STK25: variants seen among roughly 807,000 people sequenced by gnomAD.
STK25 encodes serine/threonine kinase 25.
STK25 carries 29 observed loss-of-function variants against 53.8 expected under a neutral mutation model. The ratio of observed to expected loss-of-function variants is 0.54; its 90% CI spans 0.40 to 0.74. The LOEUF (loss-of-function observed/expected upper bound fraction) is 0.74, where lower values mean the gene tolerates loss of function less well. STK25 is among the 30% of genes least tolerant of loss of function. The probability of loss-of-function intolerance (pLI) is 0.00; values close to 1 mark genes in which losing one functional copy is unlikely to be tolerated. For synonymous variants in STK25, 247 were observed against 238.3 expected, an observed-to-expected ratio of 1.04 and a Z score of -0.33; for missense variants, 420 against 568.0, an observed-to-expected ratio of 0.74 and a Z score of 2.65.
Position 241,496,957 on chromosome 2 carries a change from C to T in STK25, c.1105-423G>A, listed in dbSNP as rs971432459. 1.3e-5 allele frequency among the ~76,000 whole-genome samples: 2 copies of T among 152,240 alleles called. No individual in the cohort carries two copies. The highest frequency in any genetic ancestry group is 2.1e-4 in the South Asian group (1 of 4,836). Reference sequence around the variant, plus strand: ...CACCAGCATCTGAGCCTCCTGTCACCGGGTGTCACCCACCCTCGGGGGGCT... The same window carrying T: ...CACCAGCATCTGAGCCTCCTGTCACTGGGTGTCACCCACCCTCGGGGGGCT... On this transcript the variant is annotated intron_variant, in intron 10 of 11. Transcript: ENST00000316586. The surrounding 1 kb of genome is among the most constrained non-coding windows in gnomAD (Gnocchi z 5.8).
At chr2:241,507,028 C>G (rs1372746913) in intron 2 of STK25, among the ~76,000 whole-genome samples, 2 of 152,188 alleles carry the variant, frequency 1.3e-5, no homozygotes, top group Non-Finnish European at 2.9e-5. Context: ...TGCCCCTACG[C>G]GAACAGACGC....
chr2:241,493,549 G>T lies in STK25; in HGVS notation c.*2113C>A. On this transcript the variant is annotated 3_prime_UTR_variant, in exon 12 of 12. Transcript: ENST00000316586. ...GGCAAGTTTTCTGGGCCCTGGAAAG[G>T]AAGGGCTGAGCAATGCTTCCAGCAT... 1 of 1,051,230 alleles carries T rather than the reference G, an allele frequency of 9.5e-7. No homozygotes were observed. Among genetic ancestry groups the T allele is most frequent in the Non-Finnish European group, 1.4e-6 (1 of 692,366 alleles). 65.1% of individuals were successfully genotyped at this position (1,051,230 alleles called of 1,614,324 possible). A position where few individuals can be genotyped will look rare whatever the true frequency, so the allele number is the denominator to read the frequency against.
rs751331432 is a variant in STK25 at position 241,501,319 on chromosome 2, C to T, written c.261+159G>A. 4.6e-5 allele frequency: 33 copies of T among 723,808 alleles called. No homozygotes were observed. In the Admixed American group the frequency reaches 4.6e-4, roughly 10 times the overall value. 44.8% of individuals were successfully genotyped at this position (723,808 alleles called of 1,614,324 possible). ...TTTAGAGCCAACTGACCCTCGTGGA[C>T]GAGGGCTCACACCCTGCCTGCCCAG... On this transcript the variant is annotated intron_variant, in intron 3 of 11. Transcript: ENST00000316586. This position sits in a 1 kb window ranked among gnomAD's most constrained non-coding sequence, Gnocchi z 5.3.
Position 241,494,125 on chromosome 2 carries a change from A to T in STK25, c.*1537T>A, listed in dbSNP as rs1470983149. 6.8e-7 allele frequency: 1 copy of T among 1,468,346 alleles called. No homozygotes were observed. Among genetic ancestry groups the T allele is most frequent in the South Asian group, 1.5e-5 (1 of 66,242 alleles). 91.0% of individuals were successfully genotyped at this position (1,468,346 alleles called of 1,614,324 possible). A position where few individuals can be genotyped will look rare whatever the true frequency, so the allele number is the denominator to read the frequency against. Reference sequence around the variant, plus strand: ...GGATGGTCAGGGGGAAGGAGGAATGACGCTCAACCTGCCCAGGTTTGGACA... The same window carrying T: ...GGATGGTCAGGGGGAAGGAGGAATGTCGCTCAACCTGCCCAGGTTTGGACA... On this transcript the variant is annotated 3_prime_UTR_variant, in exon 12 of 12. Transcript: ENST00000316586. The surrounding 1 kb of genome is among the most constrained non-coding windows in gnomAD (Gnocchi z 4.9).
chr2:241,500,180 GTC>G lies in STK25; in HGVS notation c.418_419del (p.Asp140HisfsTer13). The G allele has an allele frequency of 6.2e-7, 1 of 1,613,738 alleles. No individual in the cohort carries two copies. Among genetic ancestry groups the G allele is most frequent in the Non-Finnish European group, 8.5e-7 (1 of 1,179,728 alleles). On this transcript the variant is annotated frameshift_variant, in exon 5 of 12. Transcript: ENST00000316586. LOFTEE classifies it high-confidence loss of function. ...ATCCACCCCCAGCAGGACCTTTGAT[GTC>G]TCGGTGGATCTTGCGTTCGGAGTGC... ...YLHSERKIHRDIKAANVLLSE... is the reference protein window; with the variant it reads ...YLHSERKIHRXIKAANVLLSE...
chr2:241,500,345 T>C (rs2065432885), intron 4 of STK25, 64 bp from the exon 5 acceptor site: 2 of 1,179,252 alleles, frequency 1.7e-6, no homozygotes, highest in Non-Finnish European at 2.5e-6. Context: ...CTGAGTTCTC[T>C]GCCTCTCTCA....
In STK25 at chr2:241,494,051, GCCCCAAGCATCGTGCAGGATGGC is replaced by G; in HGVS notation, c.*1588_*1610del. On this transcript the variant is annotated 3_prime_UTR_variant, in exon 12 of 12. Transcript: ENST00000316586. The surrounding 1 kb of genome is among the most constrained non-coding windows in gnomAD (Gnocchi z 4.9). Reference sequence around the variant, plus strand: ...GGGGGCCAGCAGCTCAGCCGGGAGGGCCCCAAGCATCGTGCAGGATGGCCCCCAACCCTCCTCAGGGCTGGAGG... The same window carrying G: ...GGGGGCCAGCAGCTCAGCCGGGAGGGCCCCAACCCTCCTCAGGGCTGGAGG... 1 of 1,423,730 alleles carries G rather than the reference GCCCCAAGCATCGTGCAGGATGGC, an allele frequency of 7.0e-7. No homozygotes were observed. The highest frequency in any genetic ancestry group is 9.2e-7 in the Non-Finnish European group (1 of 1,088,500). The allele number at this position is 1,423,730 out of a possible 1,614,324, so 88.2% of individuals were successfully genotyped here. A position where few individuals can be genotyped will look rare whatever the true frequency, so the allele number is the denominator to read the frequency against.
In STK25 at chr2:241,494,013, T is replaced by C. The variant is rs144832701; in HGVS notation, c.*1649A>G. 9 of 1,391,910 alleles carry C rather than the reference T, an allele frequency of 6.5e-6. No individual in the cohort carries two copies. In the African/African-American group the frequency reaches 1.3e-4, roughly 21 times the overall value. 86.2% of individuals were successfully genotyped at this position (1,391,910 alleles called of 1,614,324 possible). On this transcript the variant is annotated 3_prime_UTR_variant, in exon 12 of 12. Transcript: ENST00000316586. The surrounding 1 kb of genome is among the most constrained non-coding windows in gnomAD (Gnocchi z 4.9). ...ATGGCCGCCCTCTCCTCCAGGTGGATGGAGGTGATCCAGGGGGCCAGCAGC... is the reference window on the plus strand; with the variant it reads ...ATGGCCGCCCTCTCCTCCAGGTGGACGGAGGTGATCCAGGGGGCCAGCAGC...
rs1466206290 is a variant in STK25, at chr2:241,499,254, C to G, written c.585+3G>C. The stretch of plus-strand genomic sequence containing the variant: ...CCCGCACCTGCCCGCCCGCTGCACC[C>G]ACCTTGAAGTCGTAGGCCGACTGCT... On this transcript the variant is annotated splice_donor_region_variant and intron_variant, in intron 6 of 11. Coordinates refer to ENST00000316586, the MANE Select transcript of STK25 (RefSeq NM_001271977.2). 3 of 1,613,762 alleles carry G rather than the reference C, an allele frequency of 1.9e-6. No homozygotes were observed. The highest frequency in any genetic ancestry group is 2.5e-6 in the Non-Finnish European group (3 of 1,179,888).
intron 10 of STK25, chr2:241,497,317 G>A (rs1300821057): frequency 1.4e-5 from 5 of 344,842 alleles, no homozygotes; most frequent in African/African-American, 6.3e-5. Context: ...GCACCTGCCC[G>A]GGGATGGACC....
intron 1 of STK25, 110 bp downstream of exon 1, chr2:241,508,333 T>G: frequency 4.3e-6 from 5 of 1,168,370 alleles, no homozygotes; most frequent in East Asian, 4.4e-5. Flanking sequence ...CCAAGGCAGC[T>G]TCCTCCCGGT....
chr2:241,502,361 G>A (rs1367188592), intron 2 of STK25, among the ~76,000 whole-genome samples: 1 of 152,186 alleles, frequency 6.6e-6, no homozygotes, highest in Non-Finnish European at 1.5e-5. Flanking sequence ...CGTGACAGAT[G>A]TTAATAGGTG....
rs549704041 is a variant in STK25 at position 241,499,699 on chromosome 2, G to A, written c.428-285C>T. The A allele has an allele frequency of 9.4e-5, 50 of 529,554 alleles. No homozygotes were observed. In the Admixed American group the frequency reaches 9.9e-4, roughly 10 times the overall value. The allele number at this position is 529,554 out of a possible 1,614,324, so 32.8% of individuals were successfully genotyped here. ...GCGACTTCGCCCACTGGGGGCTACC[G>A]CAGAGGTGACCCTGACCAAGGGTGT... is the stretch of plus-strand genomic sequence containing the variant. On this transcript the variant is annotated intron_variant, in intron 5 of 11. Coordinates refer to ENST00000316586, the MANE Select transcript of STK25 (RefSeq NM_001271977.2).
Position 241,493,076 on chromosome 2 carries a change from G to C in STK25, c.*2586C>G. 1 of 1,249,912 alleles carries C rather than the reference G, an allele frequency of 8.0e-7. No homozygotes were observed. The highest frequency in any genetic ancestry group is 1.2e-6 in the Non-Finnish European group (1 of 847,972). 77.4% of individuals were successfully genotyped at this position (1,249,912 alleles called of 1,614,324 possible). On this transcript the variant is annotated 3_prime_UTR_variant, in exon 12 of 12. Coordinates refer to ENST00000316586, the MANE Select transcript of STK25 (RefSeq NM_001271977.2). ...CTGGAGCCCAATGCAGGTGATGCTAGCAGACAGACACTTAACCCTGCTCAC... is the reference window on the plus strand; with the variant it reads ...CTGGAGCCCAATGCAGGTGATGCTACCAGACAGACACTTAACCCTGCTCAC...
chr2:241,498,200 G>A (rs1329805869), intron 9 of STK25, 35 bp downstream of exon 9: 1 of 1,583,276 alleles, frequency 6.3e-7, no homozygotes, highest in Non-Finnish European at 8.7e-7. Context: ...GGCCCCAGGG[G>A]TGCACAGAGG....
At chr2:241,497,844 G>C (rs535399811) in intron 9 of STK25, among the ~76,000 whole-genome samples, 157 bp from the exon 10 acceptor site, 24 of 151,550 alleles carry the variant, frequency 1.6e-4, no homozygotes, top group African/African-American at 5.6e-4. Flanking sequence ...CAAGCCACCC[G>C]GATGGCCTGA....
chr2:241,505,974 T>A (rs1460675624), intron 2 of STK25, among the ~76,000 whole-genome samples: 3 of 152,226 alleles, frequency 2.0e-5, no homozygotes, highest in African/African-American at 7.2e-5. Flanking sequence ...GTCTGGGGCC[T>A]CCACTTGCCA....
rs542030067 is a variant in STK25, at chr2:241,496,769, C to T, written c.1105-235G>A. Among the ~76,000 whole-genome samples, 19 of 152,264 alleles carry T rather than the reference C, an allele frequency of 1.2e-4. No individual in the cohort carries two copies. Among genetic ancestry groups the T allele is most frequent in the African/African-American group, 3.6e-4 (15 of 41,542 alleles). On this transcript the variant is annotated intron_variant, in intron 10 of 11. Transcript: ENST00000316586. This position sits in a 1 kb window ranked among gnomAD's most constrained non-coding sequence, Gnocchi z 5.8. ...CAGCACCTACCTTCCCCCTACACTC[C>T]GGGGAATCTCGGACCTCGGTTCTCA...
In STK25 at chr2:241,501,583, G is replaced by A. The variant is rs752397232; in HGVS notation, c.156C>T (p.Asp52=). ...CGATCTCATCCTCGGCCTCCTCCAG[G>A]TCGATGATCTTGATGGCCACCACCT... The part of the protein sequence containing the change: ...TKEVVAIKII[D]LEEAEDEIED... The change falls in exon 3 of 12, where the codon GAC becomes GAT. Residue 52 remains aspartate, a synonymous_variant. Coordinates refer to ENST00000316586, the MANE Select transcript of STK25 (RefSeq NM_001271977.2). The surrounding 1 kb of genome is among the most constrained non-coding windows in gnomAD (Gnocchi z 5.3). 2 of 1,614,142 alleles carry A rather than the reference G, an allele frequency of 1.2e-6. No homozygotes were observed. The highest frequency in any genetic ancestry group is 2.2e-5 in the South Asian group (2 of 91,084).
Sources: gnomAD v4.1 joint callset for allele counts (sites outside exome capture counted in the v4.1 genomes callset) on GRCh38, gnomAD v4.1.1 for gene constraint, Gnocchi (gnomAD v3.1) non-coding constraint, MANE v1.5 for transcripts, NCBI Gene and HGNC (gene_info 2026-07-23, HGNC 2026-07-21) for gene names.